The following NLRP12 variants were observed in gnomAD, a reference collection of about 807,000 sequenced individuals.
NLRP12 encodes the protein NACHT, LRR and PYD domains-containing protein 12.
A neutral mutation model predicts 91.2 loss-of-function variants in NLRP12; 108 were observed. The ratio of observed to expected loss-of-function variants is 1.18; its 90% CI spans 1.01 to 1.39. The LOEUF is 1.39. NLRP12 is among the 40% of genes most tolerant of loss of function. The pLI, the probability that NLRP12 is intolerant of heterozygous loss-of-function variation, is 0.00. For missense variants in NLRP12, 1,530 were observed against 1,352.7 expected (o/e 1.13, Z -2.06); for synonymous variants, 613 against 566.7 (o/e 1.08, Z -1.16).
At chr19:53,799,765 G>A (rs903023352) in intron 7 of NLRP12, among the ~76,000 whole-genome samples, 1 of 152,046 alleles carries the variant, frequency 6.6e-6, no homozygotes, top group Non-Finnish European at 1.5e-5. Flanking sequence ...TTACAGGTGT[G>A]AGCCACCGCA....
intron 1 of NLRP12, among the ~76,000 whole-genome samples, chr19:53,819,099 G>A (rs1040300548): frequency 6.6e-6 from 1 of 152,144 alleles, no homozygotes; most frequent in Non-Finnish European, 1.5e-5. Context: ...AATGCTGGGA[G>A]AGATTTAGGC....
In NLRP12 at chr19:53,810,911, T is replaced by C. The variant is rs2092061524; in HGVS notation, c.748A>G (p.Ile250Val). Residue 250 changes from isoleucine to valine, a missense_variant, in exon 3 of 10, where the codon ATC (isoleucine) becomes GTC (valine). Ile to Val is a conservative substitution (Grantham distance 29, BLOSUM62 3). Transcript: ENST00000324134. ...FQGRFDYLFYINCREMNQSAT... is the reference protein window; with the variant it reads ...FQGRFDYLFYVNCREMNQSAT... ...CTCTGGTTCATCTCCCTGCAGTTGA[T>C]GTAGAAGAGATAATCAAATCTGCCT... The C allele has an allele frequency of 1.1e-5, 17 of 1,614,092 alleles. No individual in the cohort carries two copies. The highest frequency in any genetic ancestry group is 2.2e-5 in the East Asian group (1 of 44,880).
At chr19:53,821,663 G>A (rs576391687) in intron 1 of NLRP12, among the ~76,000 whole-genome samples, 13 of 152,108 alleles carry the variant, frequency 8.5e-5, no homozygotes, top group African/African-American at 2.2e-4. Flanking sequence ...GCAAGACTCT[G>A]TTTCAACAAC....
rs943319303 is a variant in NLRP12 at position 53,810,660 on chromosome 19, G to C, written c.999C>G (p.Leu333=). The change falls in exon 3 of 10, where the codon CTC becomes CTG. Residue 333 remains leucine (L), a synonymous_variant. Coordinates refer to ENST00000324134, the MANE Select transcript of NLRP12 (RefSeq NM_144687.4). ...TGGTGATGAGCAAAGATAGCTCAGG[G>C]AGCAGCTTCTTCCGAATTAAGCTGT... ...LLNSLIRKKL[L]PELSLLITTR... 1 of 1,613,902 alleles carries C rather than the reference G, an allele frequency of 6.2e-7. No homozygotes were observed. The highest frequency in any genetic ancestry group is 8.5e-7 in the Non-Finnish European group (1 of 1,179,932).
chr19:53,815,376 G>C (rs548127410), intron 1 of NLRP12, among the ~76,000 whole-genome samples: 1 of 151,838 alleles, frequency 6.6e-6, no homozygotes, highest in East Asian at 1.9e-4. Flanking sequence ...TTACAGGTGT[G>C]CGCCACAATG....
At chr19:53,809,551 C>T (rs2092022322) in intron 3 of NLRP12, 36 bp downstream of exon 3, 1 of 1,229,768 alleles carries the variant, frequency 8.1e-7, no homozygotes, top group Non-Finnish European at 1.2e-6. Flanking sequence ...ACACACGAAC[C>T]TAAGCAGCCC....
Position 53,810,319 on chromosome 19 carries a change from G to C in NLRP12, c.1340C>G (p.Pro447Arg), listed in dbSNP as rs773565080. 9 of 1,613,514 alleles carry C rather than the reference G, an allele frequency of 5.6e-6. No homozygotes were observed. The Admixed American group carries it at 1.3e-4, about 24-fold the overall frequency. Reference sequence around the variant, plus strand: ...TGGGGGCTGGAGGCGCGGGGCCCCCGGCTTGGGTTGCATCAGACTCAGCAG... The same window carrying C: ...TGGGGGCTGGAGGCGCGGGGCCCCCCGCTTGGGTTGCATCAGACTCAGCAG... ...LYLLSLMQPK[P>R]GAPRLQPPPN... Residue 447 changes from proline (P) to arginine (R), a missense_variant, in exon 3 of 10, where the codon CCG (proline) becomes CGG (arginine). Physicochemically the swap from Pro to Arg is moderately radical, Grantham distance 103 (BLOSUM62 -2). Coordinates refer to ENST00000324134, the MANE Select transcript of NLRP12 (RefSeq NM_144687.4).
At chr19:53,803,615 C>T (rs6509826) in intron 6 of NLRP12, 99,669 of 361,800 alleles carry the variant, frequency 0.28, 15,730 homozygotes, top group African/African-American at 0.49. Context: ...ACTCTGTCAC[C>T]GTGGCTGGAG....
intron 8 of NLRP12, among the ~76,000 whole-genome samples, chr19:53,796,424 G>T (rs1163169658): frequency 4.0e-5 from 3 of 74,698 alleles, no homozygotes; most frequent in African/African-American, 2.0e-4. Flanking sequence ...ACTAATTGTT[G>T]TATTAGTAGA....
chr19:53,795,006 T>C (rs948089433), intron 9 of NLRP12, among the ~76,000 whole-genome samples: 1 of 151,956 alleles, frequency 6.6e-6, no homozygotes, highest in African/African-American at 2.4e-5. Flanking sequence ...GGCGTAATCA[T>C]GGTTCACTGC....
In NLRP12 at chr19:53,805,385, T is replaced by G. The variant is rs138493915; in HGVS notation, c.2309A>C (p.Lys770Thr). Reference sequence around the variant, plus strand: ...ACTGAGATCCATCCTTGTCAAATTCTTATTGGCTATGAGAGCTGCAGAGAG... The same window carrying G: ...ACTGAGATCCATCCTTGTCAAATTCGTATTGGCTATGAGAGCTGCAGAGAG... ...EDLSAALIAN[K>T]NLTRMDLSGN... Residue 770 changes from lysine (K) to threonine (T), a missense_variant, in exon 5 of 10, where the codon AAG becomes ACG. By Grantham distance (78) the Lys-to-Thr change is moderately conservative (BLOSUM62 -1). Coordinates refer to ENST00000324134, the MANE Select transcript of NLRP12 (RefSeq NM_144687.4). The G allele has an allele frequency of 8.9e-5, 143 of 1,614,108 alleles. No individual in the cohort carries two copies. The African/African-American group carries it at 1.5e-3, about 17-fold the overall frequency.
chr19:53,810,891 G>A lies in NLRP12; in HGVS notation c.768C>T (p.Asn256=), dbSNP rs1297974396. The A allele has an allele frequency of 1.2e-6, 2 of 1,614,004 alleles. No homozygotes were observed. The highest frequency in any genetic ancestry group is 1.3e-5 in the African/African-American group (1 of 74,926). ...GCATGCTGCATTCCGTGGCACTCTG[G>A]TTCATCTCCCTGCAGTTGATGTAGA... ...YLFYINCREM[N]QSATECSMQD... The change falls in exon 3 of 10, where the codon AAC becomes AAT. Residue 256 remains asparagine (N), a synonymous_variant. Transcript: ENST00000324134.
At chr19:53,815,741 TG>T (rs1003767672) in intron 1 of NLRP12, among the ~76,000 whole-genome samples, 4 of 152,028 alleles carry the variant, frequency 2.6e-5, no homozygotes, top group Non-Finnish European at 5.9e-5. Flanking sequence ...CCTGAGTAGC[TG>T]GGACTACAGG....
Position 53,805,378 on chromosome 19 carries a change from C to A in NLRP12, c.2316G>T (p.Leu772Phe). 1 of 1,614,080 alleles carries A rather than the reference C, an allele frequency of 6.2e-7. No homozygotes were observed. Residue 772 changes from leucine (L) to phenylalanine (F), a missense_variant, in exon 5 of 10, where the codon TTG becomes TTT. Coordinates refer to ENST00000324134, the MANE Select transcript of NLRP12 (RefSeq NM_144687.4). ...LSAALIANKNLTRMDLSGNGV... is the reference protein window; with the variant it reads ...LSAALIANKNFTRMDLSGNGV... ...CGTTGCCACTGAGATCCATCCTTGT[C>A]AAATTCTTATTGGCTATGAGAGCTG...
At chr19:53,797,606 G>A (rs1033429384) in intron 8 of NLRP12, among the ~76,000 whole-genome samples, 4 of 150,390 alleles carry the variant, frequency 2.7e-5, no homozygotes, top group African/African-American at 9.8e-5. Context: ...TTTGTAGAAT[G>A]GTGTTTCACC....
At chr19:53,804,223 T>C in intron 5 of NLRP12, 101 bp from the exon 6 acceptor site, 1 of 1,354,610 alleles carries the variant, frequency 7.4e-7, no homozygotes, top group Non-Finnish European at 1.0e-6. Context: ...AACAGGTTGT[T>C]GCTCTGTCAC....
In NLRP12 at chr19:53,807,527, G is replaced by C; in HGVS notation, c.2211C>G (p.Leu737=). The C allele has an allele frequency of 6.2e-7, 1 of 1,614,116 alleles. No individual in the cohort carries two copies. The change falls in exon 4 of 10, where the codon CTC becomes CTG. Residue 737 remains leucine, a synonymous_variant. Transcript: ENST00000324134. ...TCTGAAGTTTGCAGTTGGGGTGTCTGAGTCCTTGACAGAGCAGCTTCACCC... is the reference window on the plus strand; with the variant it reads ...TCTGAAGTTTGCAGTTGGGGTGTCTCAGTCCTTGACAGAGCAGCTTCACCC... ...SRGVKLLCQG[L]RHPNCKLQNL... is the part of the protein sequence containing the mutation.
Position 53,806,699 on chromosome 19 carries a change from A to G in NLRP12, c.2243+796T>C, listed in dbSNP as rs1600697919. On this transcript the variant is annotated intron_variant, in intron 4 of 9. Transcript: ENST00000324134. ...CGTCTCAAAAAAAAAAAAAAAAAAAAAAAAAGAAATTAGCCGGGTGTGGTT... is the reference window on the plus strand; with the variant it reads ...CGTCTCAAAAAAAAAAAAAAAAAAAGAAAAAGAAATTAGCCGGGTGTGGTT... 5.4e-5 allele frequency among the ~76,000 whole-genome samples: 8 copies of G among 148,398 alleles called. 1 individual carries two copies. In the South Asian group the frequency reaches 1.5e-3, roughly 28 times the overall value.
At chr19:53,806,431 C>G (rs1025815691) in intron 4 of NLRP12, among the ~76,000 whole-genome samples, 2 of 145,884 alleles carry the variant, frequency 1.4e-5, no homozygotes, top group Non-Finnish European at 3.0e-5. Context: ...GTCTGTAATC[C>G]CAGCACTTTG....
Sources: allele counts gnomAD v4.1 joint callset (sites outside exome capture counted in the v4.1 genomes callset), GRCh38; gene constraint gnomAD v4.1.1; transcripts MANE v1.5; gene names NCBI Gene and HGNC (gene_info 2026-07-23, HGNC 2026-07-21).